KCNT2: variants seen among roughly 807,000 people sequenced by gnomAD.
KCNT2 encodes potassium channel subfamily T member 2.
A neutral mutation model predicts 153.8 loss-of-function variants in KCNT2; 67 were observed. The observed-to-expected ratio is 0.44, with a 90% CI of 0.36 to 0.53. KCNT2 has a LOEUF of 0.53. Among genes scored for constraint, KCNT2 ranks in the 20% least tolerant of loss-of-function variants. The pLI, the probability that KCNT2 is intolerant of heterozygous loss-of-function variation, is 0.00. For synonymous variants in KCNT2, 500 were observed against 458.8 expected (o/e 1.09, Z -1.15); for missense variants, 975 against 1,354.8 (o/e 0.72, Z 4.40).
At chr1:196,534,355 C>T (rs949840366) in intron 1 of KCNT2, among the ~76,000 whole-genome samples, 2 of 152,050 alleles carry the variant, frequency 1.3e-5, no homozygotes, top group Non-Finnish European at 2.9e-5. Flanking sequence ...CACAATGGGC[C>T]AGGTGCATTA....
rs1338222705 is a variant in KCNT2, at chr1:196,226,037, A to G, written c.*2187T>C. The G allele has an allele frequency of 6.6e-6, 1 of 152,084 alleles. No individual in the cohort carries two copies. The highest frequency in any genetic ancestry group is 1.5e-5 in the Non-Finnish European group (1 of 67,936). 9.4% of individuals were successfully genotyped at this position (152,084 alleles called of 1,614,324 possible). On this transcript the variant is annotated 3_prime_UTR_variant, in exon 28 of 28. Transcript: ENST00000294725. ...TCATTATTGTAGCAAGCTGGTATGA[A>G]CTGTGTCAAATATTAAATTTGGACT...
intron 8 of KCNT2, among the ~76,000 whole-genome samples, chr1:196,458,026 A>G (rs1315195791): frequency 6.6e-6 from 1 of 151,916 alleles, no homozygotes; most frequent in Non-Finnish European, 1.5e-5. Flanking sequence ...AAAAACATCC[A>G]GAATGAGACA....
chr1:196,483,135 T>G (rs1346041510), intron 3 of KCNT2, among the ~76,000 whole-genome samples: 1 of 152,168 alleles, frequency 6.6e-6, no homozygotes, highest in South Asian at 2.1e-4. Flanking sequence ...GGCAGGTGAA[T>G]GGTAGTTTTT....
chr1:196,464,060 T>A (rs1677390703), intron 8 of KCNT2, among the ~76,000 whole-genome samples: 1 of 151,896 alleles, frequency 6.6e-6, no homozygotes, highest in Non-Finnish European at 1.5e-5. Flanking sequence ...ATGCATACCA[T>A]ACATACATAA....
At chr1:196,489,336 C>T (rs894820940) in intron 3 of KCNT2, among the ~76,000 whole-genome samples, 5 of 151,486 alleles carry the variant, frequency 3.3e-5, no homozygotes, top group Non-Finnish European at 7.4e-5. Flanking sequence ...AATATCCTCT[C>T]TAGTATTCAT....
chr1:196,601,632 T>C (rs1472000913), intron 1 of KCNT2, among the ~76,000 whole-genome samples: 2 of 152,232 alleles, frequency 1.3e-5, no homozygotes, highest in African/African-American at 4.8e-5. Flanking sequence ...TTGGCTCTAC[T>C]GATACGGTGA....
intron 18 of KCNT2, among the ~76,000 whole-genome samples, chr1:196,329,587 A>G (rs1664234663): frequency 6.6e-6 from 1 of 151,810 alleles, no homozygotes; most frequent in Non-Finnish European, 1.5e-5. Context: ...TGACTGAAGC[A>G]TATATTATTT....
At chr1:196,508,621 T>C (rs1681352426) in intron 1 of KCNT2, among the ~76,000 whole-genome samples, 1 of 152,180 alleles carries the variant, frequency 6.6e-6, no homozygotes, top group Non-Finnish European at 1.5e-5. Flanking sequence ...AACAAACATG[T>C]AACCAAAAGG....
intron 13 of KCNT2, among the ~76,000 whole-genome samples, chr1:196,395,009 A>G (rs2148426197): frequency 6.6e-6 from 1 of 151,114 alleles, no homozygotes; most frequent in African/African-American, 2.4e-5. Flanking sequence ...AGTTTTAATT[A>G]TGAATGAATG....
chr1:196,282,264 T>C lies in KCNT2; in HGVS notation c.2781+9A>G, dbSNP rs762555928. On this transcript the variant is annotated intron_variant, in intron 24 of 27. Transcript: ENST00000294725. ...CAACTATCTTTTATTCTAGAGATTATTAACTTACAGAACAAAGAAACCCAG... is the reference window on the plus strand; with the variant it reads ...CAACTATCTTTTATTCTAGAGATTACTAACTTACAGAACAAAGAAACCCAG... 1 of 1,491,790 alleles carries C rather than the reference T, an allele frequency of 6.7e-7. No individual in the cohort carries two copies. Among genetic ancestry groups the C allele is most frequent in the Non-Finnish European group, 9.3e-7 (1 of 1,071,440 alleles). 92.4% of individuals were successfully genotyped at this position (1,491,790 alleles called of 1,614,324 possible).
chr1:196,390,286 A>G (rs1670359829), intron 13 of KCNT2, among the ~76,000 whole-genome samples: 1 of 151,642 alleles, frequency 6.6e-6, no homozygotes, highest in African/African-American at 2.4e-5. Flanking sequence ...ATCACTGGAC[A>G]TATAAACTCA....
At chr1:196,470,840 A>T (rs928002810) in intron 5 of KCNT2, among the ~76,000 whole-genome samples, 3 of 149,850 alleles carry the variant, frequency 2.0e-5, no homozygotes, top group African/African-American at 7.4e-5. Context: ...GGAGAATTTT[A>T]AATTTTTGCA....
At chr1:196,462,640 C>T (rs1572538623) in intron 8 of KCNT2, among the ~76,000 whole-genome samples, 1 of 151,366 alleles carries the variant, frequency 6.6e-6, no homozygotes. Flanking sequence ...ACATTATTTG[C>T]CATGCTATTT....
chr1:196,426,336 C>T (rs1306252498), intron 10 of KCNT2, among the ~76,000 whole-genome samples: 1 of 151,910 alleles, frequency 6.6e-6, no homozygotes, highest in Non-Finnish European at 1.5e-5. Flanking sequence ...ACATTGAACA[C>T]CAGGCAGAAG....
chr1:196,283,878 C>T (rs1659366457), intron 23 of KCNT2, among the ~76,000 whole-genome samples: 1 of 151,874 alleles, frequency 6.6e-6, no homozygotes, highest in Admixed American at 6.6e-5. Context: ...ACATACACAT[C>T]TACACACACA....
At chr1:196,373,377 AC>A in intron 13 of KCNT2, 129 bp from the exon 14 acceptor site, 1 of 588,922 alleles carries the variant, frequency 1.7e-6, no homozygotes, top group African/African-American at 1.9e-5. Context: ...AGATGTTTTT[AC>A]AAGTGCAATT....
At chr1:196,299,256 A>G (rs1450965200) in intron 22 of KCNT2, among the ~76,000 whole-genome samples, 2 of 151,998 alleles carry the variant, frequency 1.3e-5, no homozygotes, top group East Asian at 3.9e-4. Context: ...TACACCTGTT[A>G]CACCTACTTT....
chr1:196,547,000 G>A (rs1657190216), intron 1 of KCNT2, among the ~76,000 whole-genome samples: 1 of 151,874 alleles, frequency 6.6e-6, no homozygotes. Flanking sequence ...AAAAATCAAT[G>A]CCTGAAAATA....
intron 14 of KCNT2, among the ~76,000 whole-genome samples, chr1:196,354,639 T>C (rs1667024805): frequency 6.6e-6 from 1 of 151,790 alleles, no homozygotes; most frequent in South Asian, 2.1e-4. Context: ...TAAATATAAA[T>C]TTCTTTATTG....
Sources: allele counts gnomAD v4.1 joint callset (sites outside exome capture counted in the v4.1 genomes callset), GRCh38; gene constraint gnomAD v4.1.1; transcripts MANE v1.5; gene names NCBI Gene and HGNC (gene_info 2026-07-23, HGNC 2026-07-21).